Variants in MYT1L observed in about 807,000 individuals in gnomAD.
MYT1L encodes myelin transcription factor 1-like protein.
Under a neutral mutation model 126.7 loss-of-function variants are expected in MYT1L, and 12 were observed. That is an observed-to-expected ratio of 0.09 (90% CI 0.06 to 0.15). The LOEUF is 0.15. MYT1L is among the 10% of genes least tolerant of loss of function. The pLI is 1.00. For missense variants in MYT1L, 979 were observed against 1,585.2 expected (o/e 0.62, Z 6.49); for synonymous variants, 541 against 604.2 (o/e 0.90, Z 1.53).
chr2:1,842,965 G>A (rs1003536962), intron 19 of MYT1L: 1 of 78,680 alleles, frequency 1.3e-5, no homozygotes, highest in Non-Finnish European at 2.4e-5. Flanking sequence ...TTCCAGGCGC[G>A]CGGTGCTAGT....
At chr2:2,183,594 T>C (rs1454144880) in intron 2 of MYT1L, among the ~76,000 whole-genome samples, 1 of 152,172 alleles carries the variant, frequency 6.6e-6, no homozygotes, top group Non-Finnish European at 1.5e-5. Flanking sequence ...CTCAGTGTGA[T>C]GAGGTAGAGA....
At chr2:2,327,043 T>C (rs2149735266) in intron 1 of MYT1L, 1 of 152,100 alleles carries the variant, frequency 6.6e-6, no homozygotes, top group East Asian at 1.9e-4. Context: ...ATGGAAAAAA[T>C]GGATAGCTGT....
intron 13 of MYT1L, among the ~76,000 whole-genome samples, chr2:1,908,212 A>G (rs2051369838): frequency 6.6e-6 from 1 of 152,252 alleles, no homozygotes; most frequent in African/African-American, 2.4e-5. Flanking sequence ...CAGGAGCAGC[A>G]CAGAAGGCTT....
intron 19 of MYT1L, among the ~76,000 whole-genome samples, chr2:1,843,274 G>A (rs2042058577): frequency 6.6e-6 from 1 of 152,214 alleles, no homozygotes; most frequent in Non-Finnish European, 1.5e-5. Flanking sequence ...TCTGAGAGGC[G>A]ATGCCTGGGA....
At position 2,055,585 on chromosome 2, in the gene MYT1L, T is replaced by A. The variant is rs1023195257; in HGVS notation, c.-303-1462A>T. Among the ~76,000 whole-genome samples, 5 of 152,216 alleles carry A rather than the reference T, an allele frequency of 3.3e-5. 1 individual carries two copies. Among genetic ancestry groups the A allele is most frequent in the African/African-American group, 1.2e-4 (5 of 41,448 alleles). ...GGAATGGTATTCGACATAGTGGTTT[T>A]ATAAAAATGCAAGTTAATTCTCACC... On this transcript the variant is annotated intron_variant, in intron 3 of 24. Transcript: ENST00000647738.
chr2:1,935,336 C>T (rs1240339924), intron 9 of MYT1L, among the ~76,000 whole-genome samples: 4 of 152,154 alleles, frequency 2.6e-5, no homozygotes, highest in African/African-American at 4.8e-5. Context: ...AAAAACACAC[C>T]GTGTTTTGAA....
At chr2:1,797,711 C>G (rs1041922416) in intron 23 of MYT1L, among the ~76,000 whole-genome samples, 3 of 152,246 alleles carry the variant, frequency 2.0e-5, no homozygotes, top group East Asian at 1.9e-4. Context: ...AATAAAATTG[C>G]GTTTGTCCTA....
chr2:1,923,526 T>C (rs1363068326), intron 9 of MYT1L, among the ~76,000 whole-genome samples: 3 of 152,244 alleles, frequency 2.0e-5, no homozygotes, highest in Admixed American at 2.0e-4. Flanking sequence ...CCAGTCAATG[T>C]GGCAAATATG....
chr2:1,950,351 C>T (rs1393991552), intron 8 of MYT1L, among the ~76,000 whole-genome samples: 1 of 152,154 alleles, frequency 6.6e-6, no homozygotes, highest in African/African-American at 2.4e-5. Flanking sequence ...TAAATATGTG[C>T]TGAGTGAATA....
chr2:2,081,739 T>C (rs1289082567), intron 3 of MYT1L, among the ~76,000 whole-genome samples: 1 of 152,104 alleles, frequency 6.6e-6, no homozygotes, highest in Admixed American at 6.5e-5. Flanking sequence ...TTATATTTAT[T>C]TATTTATTTA....
Position 1,934,174 on chromosome 2 carries a change from T to C in MYT1L, c.505+8808A>G, listed in dbSNP as rs546391698. ...TATTTTTAGTAGAGACGGGGTTTCA[T>C]CGTGTTAGCCAGGATGGTCTCGATC... On this transcript the variant is annotated intron_variant, in intron 9 of 24. Coordinates refer to ENST00000647738, the MANE Select transcript of MYT1L (RefSeq NM_001303052.2). Among the ~76,000 whole-genome samples, 471 of 151,180 alleles carry C rather than the reference T, an allele frequency of 3.1e-3. 1 individual carries two copies. Among genetic ancestry groups the C allele is most frequent in the East Asian group, 7.1e-3 (36 of 5,080 alleles).
intron 21 of MYT1L, among the ~76,000 whole-genome samples, chr2:1,833,479 C>T (rs550011555): frequency 9.3e-4 from 142 of 152,312 alleles, no homozygotes; most frequent in Non-Finnish European, 9.7e-4. Context: ...GCTGCTTCCT[C>T]ATGTATACAA....
chr2:2,311,518 C>A (rs967995343), intron 1 of MYT1L, among the ~76,000 whole-genome samples: 3 of 152,174 alleles, frequency 2.0e-5, no homozygotes, highest in African/African-American at 7.2e-5. Context: ...TTAAATGAAG[C>A]ACCGGAGGCT....
In MYT1L at chr2:1,935,987, C is replaced by T. The variant is rs181652152; in HGVS notation, c.505+6995G>A. Among the ~76,000 whole-genome samples, 34 of 152,284 alleles carry T rather than the reference C, an allele frequency of 2.2e-4. No individual in the cohort carries two copies. The South Asian group carries it at 4.6e-3, about 20-fold the overall frequency. On this transcript the variant is annotated intron_variant, in intron 9 of 24. Coordinates refer to ENST00000647738, the MANE Select transcript of MYT1L (RefSeq NM_001303052.2). Reference sequence around the variant, plus strand: ...AGGCTGGAGTGCAAGGCTGTGATCTCGGCTCACAGCAACCTCCGCCTCCCA... The same window carrying T: ...AGGCTGGAGTGCAAGGCTGTGATCTTGGCTCACAGCAACCTCCGCCTCCCA...
chr2:2,249,803 T>C (rs753693009), intron 2 of MYT1L, among the ~76,000 whole-genome samples: 4 of 152,022 alleles, frequency 2.6e-5, no homozygotes, highest in Non-Finnish European at 5.9e-5. Flanking sequence ...AACCAGAACA[T>C]ATATAAAGCT....
intron 14 of MYT1L, among the ~76,000 whole-genome samples, chr2:1,900,738 G>T (rs1001555360): frequency 6.6e-6 from 1 of 152,174 alleles, no homozygotes; most frequent in Non-Finnish European, 1.5e-5. Flanking sequence ...TGGAGGGCCG[G>T]CTCATTTTCT....
intron 2 of MYT1L, among the ~76,000 whole-genome samples, chr2:2,232,250 G>A (rs1345277784): frequency 6.6e-6 from 1 of 152,234 alleles, no homozygotes; most frequent in African/African-American, 2.4e-5. Flanking sequence ...AGGCAGAAAA[G>A]GAGAGGTGGG....
intron 2 of MYT1L, among the ~76,000 whole-genome samples, chr2:2,241,659 C>CAAG (rs2149143223): frequency 6.6e-6 from 1 of 152,204 alleles, no homozygotes; most frequent in South Asian, 2.1e-4. Context: ...GAGCTGCAAG[C>CAAG]AAGATATATG....
intron 2 of MYT1L, among the ~76,000 whole-genome samples, chr2:2,265,680 T>C (rs2095109699): frequency 6.6e-6 from 1 of 152,190 alleles, no homozygotes; most frequent in Non-Finnish European, 1.5e-5. Flanking sequence ...TTTAATCTTT[T>C]GGTAACATTT....
Sources: allele counts gnomAD v4.1 joint callset (sites outside exome capture counted in the v4.1 genomes callset), GRCh38; gene constraint gnomAD v4.1.1; transcripts MANE v1.5; gene names NCBI Gene and HGNC (gene_info 2026-07-23, HGNC 2026-07-21).